The following BORCS8 variants were observed in gnomAD, a reference collection of about 807,000 sequenced individuals.
BORCS8 encodes the protein BLOC-1-related complex subunit 8.
BORCS8 carries 13 observed loss-of-function variants against 18.7 expected under a neutral mutation model. The observed-to-expected ratio is 0.70, with a 90% CI of 0.45 to 1.11. BORCS8 has a LOEUF of 1.11. BORCS8 is among the 50% of genes least tolerant of loss of function. The probability of loss-of-function intolerance (pLI) is 0.00; values close to 1 mark genes in which losing one functional copy is unlikely to be tolerated. For missense variants in BORCS8, 165 were observed against 165.7 expected (o/e 1.00, Z 0.02); for synonymous variants, 68 against 64.8 (o/e 1.05, Z -0.24).
Position 19,182,700 on chromosome 19 carries a change from G to A in BORCS8, c.216-17C>T. 1 of 1,547,512 alleles carries A rather than the reference G, an allele frequency of 6.5e-7. No homozygotes were observed. Among genetic ancestry groups the A allele is most frequent in the Non-Finnish European group, 8.7e-7 (1 of 1,145,708 alleles). ...TTCACGGCGCTGAAACGGGAGGACAGGCCTGGTCAGCGCTCCGGACCTGCA... is the reference window on the plus strand; with the variant it reads ...TTCACGGCGCTGAAACGGGAGGACAAGCCTGGTCAGCGCTCCGGACCTGCA... On this transcript the variant is annotated splice_polypyrimidine_tract_variant and intron_variant, in intron 3 of 5. Transcript: ENST00000462790. The surrounding 1 kb of genome is among the most constrained non-coding windows in gnomAD (Gnocchi z 4.1).
chr19:19,191,595 G>A (rs1300793638), intron 1 of BORCS8, among the ~76,000 whole-genome samples: 3 of 147,932 alleles, frequency 2.0e-5, no homozygotes, highest in African/African-American at 7.5e-5. Context: ...TTTTTTTTTA[G>A]ACAGGGTCTC....
intron 2 of BORCS8, among the ~76,000 whole-genome samples, chr19:19,186,484 G>A (rs988373121): frequency 2.6e-5 from 4 of 152,136 alleles, no homozygotes; most frequent in African/African-American, 9.7e-5. Flanking sequence ...TCATAGAGGT[G>A]GTTCCCCTCA....
chr19:19,188,968 G>C (rs938312050), intron 1 of BORCS8, among the ~76,000 whole-genome samples: 1 of 152,052 alleles, frequency 6.6e-6, no homozygotes, highest in South Asian at 2.1e-4. Flanking sequence ...CCGAGTAGCT[G>C]GGATTACAGG....
chr19:19,185,141 C>T (rs2146421565), intron 3 of BORCS8, among the ~76,000 whole-genome samples: 1 of 152,354 alleles, frequency 6.6e-6, no homozygotes, highest in East Asian at 1.9e-4. Context: ...AATACTGCCC[C>T]AGCAGCAGGA....
chr19:19,187,320 C>T (rs984328492), intron 1 of BORCS8, among the ~76,000 whole-genome samples: 4 of 151,992 alleles, frequency 2.6e-5, no homozygotes, highest in African/African-American at 9.7e-5. Flanking sequence ...ACTAAAAATA[C>T]AAAAATTAGC....
At chr19:19,189,622 G>C (rs57362874) in intron 1 of BORCS8, among the ~76,000 whole-genome samples, 5,999 of 152,226 alleles carry the variant, frequency 0.039, 410 homozygotes, top group African/African-American at 0.14. Context: ...AGGATCACTT[G>C]AGGATAAGAA....
chr19:19,188,186 C>A (rs546475176), intron 1 of BORCS8, among the ~76,000 whole-genome samples: 3 of 152,126 alleles, frequency 2.0e-5, no homozygotes, highest in South Asian at 4.1e-4. Flanking sequence ...CCCGCCACCA[C>A]GCCCGGCTAA....
At chr19:19,187,048 A>C in intron 1 of BORCS8, 43 bp from the exon 2 acceptor site, 1 of 1,443,242 alleles carries the variant, frequency 6.9e-7, no homozygotes. Context: ...GGGGAGACAA[A>C]GCGTCAGCCT....
intron 1 of BORCS8, among the ~76,000 whole-genome samples, chr19:19,190,237 G>A (rs2060452214): frequency 6.6e-6 from 1 of 152,220 alleles, no homozygotes; most frequent in Admixed American, 6.5e-5. Flanking sequence ...TTGGACTTGG[G>A]AGAGCAGAGC....
At chr19:19,188,069 G>C (rs1397642167) in intron 1 of BORCS8, among the ~76,000 whole-genome samples, 1 of 151,474 alleles carries the variant, frequency 6.6e-6, no homozygotes, top group African/African-American at 2.4e-5. Context: ...TCACTCTGTC[G>C]CCCAGGCTGG....
At position 19,186,966 on chromosome 19, in the gene BORCS8, T is replaced by C; in HGVS notation, c.77A>G (p.Asn26Ser). 1 of 1,551,384 alleles carries C rather than the reference T, an allele frequency of 6.4e-7. No individual in the cohort carries two copies. Among genetic ancestry groups the C allele is most frequent in the Middle Eastern group, 1.7e-4 (1 of 5,992 alleles). The change falls in exon 2 of 6, where the codon AAC (asparagine) becomes AGC (serine). Residue 26 changes from asparagine (N) to serine (S), a missense_variant. Coordinates refer to ENST00000462790, the MANE Select transcript of BORCS8 (RefSeq NM_001145784.2). The stretch of plus-strand genomic sequence containing the variant: ...CCGGTACAGGGCCACGGATGGCTCG[T>C]TGGCCAGGACGTAGACGCTCTCAGT... ...KFTESVYVLA[N>S]EPSVALYRLQ...
chr19:19,179,898 C>T (rs1048200786), intron 5 of BORCS8: 2 of 152,736 alleles, frequency 1.3e-5, no homozygotes, highest in Non-Finnish European at 1.5e-5. Context: ...AGGAGAAACC[C>T]GGGCTGGCCT....
chr19:19,178,329 C>G (rs2060319820), intron 5 of BORCS8: 1 of 152,512 alleles, frequency 6.6e-6, no homozygotes, highest in South Asian at 2.1e-4. Flanking sequence ...GTTCAGTCTT[C>G]AGTCTCTGCC....
chr19:19,185,959 C>G, intron 3 of BORCS8, 75 bp downstream of exon 3: 3 of 1,454,312 alleles, frequency 2.1e-6, no homozygotes, highest in East Asian at 4.9e-5. Context: ...GGGCAGTTGG[C>G]TGGGATGCCC....
intron 1 of BORCS8, among the ~76,000 whole-genome samples, chr19:19,187,513 A>G (rs891633049): frequency 3.3e-5 from 5 of 151,666 alleles, no homozygotes; most frequent in Admixed American, 3.3e-4. Context: ...AGAGGACATA[A>G]TGAGTGATGA....
intron 1 of BORCS8, among the ~76,000 whole-genome samples, chr19:19,190,486 C>T (rs1000416942): frequency 1.3e-5 from 2 of 152,166 alleles, no homozygotes; most frequent in South Asian, 2.1e-4. Context: ...TAGGCCTCCT[C>T]GCTTTGAATG....
rs1049580104 is a variant in BORCS8, at chr19:19,186,901, G to A, written c.142C>T (p.Gln48Ter). ...AGCAGGCCCCAGCTCACCTTGTGCT[G>A]GGCCAGCTCGGGGAGGGAGCGACGC... ...HVRRSLPELA[Q>*]HKADMQRWEE... The change falls in exon 2 of 6, where the codon CAG becomes TAG. Residue 48 changes from glutamine to a stop codon, truncating the protein, a stop_gained. Transcript: ENST00000462790. LOFTEE classifies it high-confidence loss of function. The A allele has an allele frequency of 3.2e-6, 5 of 1,547,974 alleles. No homozygotes were observed. Among genetic ancestry groups the A allele is most frequent in the Non-Finnish European group, 4.4e-6 (5 of 1,145,652 alleles).
In BORCS8 at chr19:19,182,119, C is replaced by G. The variant is rs1011182517; in HGVS notation, c.326+454G>C. 1.2e-6 allele frequency: 1 copy of G among 864,992 alleles called. No homozygotes were observed. The highest frequency in any genetic ancestry group is 1.4e-6 in the Non-Finnish European group (1 of 719,868). The allele number at this position is 864,992 out of a possible 1,614,324, so 53.6% of individuals were successfully genotyped here. On this transcript the variant is annotated intron_variant, in intron 4 of 5. Coordinates refer to ENST00000462790, the MANE Select transcript of BORCS8 (RefSeq NM_001145784.2). This position sits in a 1 kb window ranked among gnomAD's most constrained non-coding sequence, Gnocchi z 4.1. The stretch of plus-strand genomic sequence containing the variant: ...AGCCACAGAAGCCTTCTCGGTGCTT[C>G]TCGAACACTCCCAGGGATCCCAGCC...
intron 5 of BORCS8, chr19:19,179,992 G>A (rs1414972137): frequency 6.5e-6 from 1 of 152,860 alleles, no homozygotes; most frequent in African/African-American, 2.4e-5. Context: ...GTGCAGCTGA[G>A]CTCCCATGAG....
Sources: gnomAD v4.1 joint callset for allele counts (sites outside exome capture counted in the v4.1 genomes callset) on GRCh38, gnomAD v4.1.1 for gene constraint, Gnocchi (gnomAD v3.1) non-coding constraint, MANE v1.5 for transcripts, NCBI Gene and HGNC (gene_info 2026-07-23, HGNC 2026-07-21) for gene names.